TTN: variants seen among roughly 807,000 people sequenced by gnomAD.
TTN encodes titin, also known as connectin.
In TTN, 1,525 loss-of-function variants were observed where a neutral mutation model predicts 3,223.0. The observed-to-expected ratio is 0.47, with a 90% CI of 0.45 to 0.49. The LOEUF (loss-of-function observed/expected upper bound fraction) is 0.49, where lower values mean the gene tolerates loss of function less well. TTN is among the 20% of genes least tolerant of loss of function. TTN has a pLI of 0.00. For missense variants in TTN, 40,786 were observed against 43,424.0 expected (o/e 0.94, Z 5.40); for synonymous variants, 14,094 against 15,161.0 (o/e 0.93, Z 5.17).
chr2:178,723,504 A>G lies in TTN; in HGVS notation c.21596T>C (p.Ile7199Thr), dbSNP rs781566455. The stretch of plus-strand genomic sequence containing the variant: ...GTATTCCCCACTCTGAGATATGTCA[A>G]TATTAAATAATTCCAGTTCTGCCAC... ...DTVAELELFN[I>T]DISQSGEYTC... Residue 7199 changes from isoleucine (I) to threonine (T), a missense_variant, in exon 74 of 363, where the codon ATT (isoleucine) becomes ACT (threonine). Coordinates refer to ENST00000589042, the MANE Select transcript of TTN (RefSeq NM_001267550.2). The G allele has an allele frequency of 5.0e-6, 8 of 1,613,266 alleles. No individual in the cohort carries two copies. The highest frequency in any genetic ancestry group is 4.0e-5 in the African/African-American group (3 of 74,902).
intron 113 of TTN, 22 bp downstream of exon 113, chr2:178,697,099 A>C: frequency 6.5e-7 from 1 of 1,529,060 alleles, no homozygotes; most frequent in Non-Finnish European, 8.9e-7. Context: ...AAACAGAATA[A>C]AAATAATTTA....
intron 152 of TTN, 48 bp from the exon 153 acceptor site, chr2:178,672,751 C>T (rs2067241781): frequency 6.8e-7 from 1 of 1,469,822 alleles, no homozygotes; most frequent in Non-Finnish European, 9.2e-7. Flanking sequence ...TTCAATAACA[C>T]ACATGAAATA....
In TTN at chr2:178,715,142, C is replaced by G; in HGVS notation, c.26044G>C (p.Glu8682Gln). The G allele has an allele frequency of 6.2e-7, 1 of 1,613,720 alleles. No homozygotes were observed. Among genetic ancestry groups the G allele is most frequent in the South Asian group, 1.1e-5 (1 of 91,070 alleles). Residue 8682 changes from glutamate to glutamine, a missense_variant, in exon 90 of 363, where the codon GAA becomes CAA. Transcript: ENST00000589042. ...FHVSWYKDKR[E>Q]LRSGKKYKIM... ...TTGTACTTCTTGCCGCTCCTAAGTT[C>G]TCTCTTGTCTTTATACCAAGAAACG...
chr2:178,696,341 CTAGT>C lies in TTN; in HGVS notation c.30803-76_30803-73del, dbSNP rs1369677895. The C allele has an allele frequency of 1.7e-5, 21 of 1,254,962 alleles. No individual in the cohort carries two copies. In the East Asian group the frequency reaches 2.9e-4, roughly 17 times the overall value. The allele number at this position is 1,254,962 out of a possible 1,614,324, so 77.7% of individuals were successfully genotyped here. A position where few individuals can be genotyped will look rare whatever the true frequency, so the allele number is the denominator to read the frequency against. ...ACTGCTTCACTAAACAAAAATCTAC[CTAGT>C]TAAACAACATCAGTATTTCAGATCT... On this transcript the variant is annotated intron_variant, in intron 113 of 362. Transcript: ENST00000589042.
chr2:178,580,439 C>A lies in TTN; in HGVS notation c.66940G>T (p.Asp22314Tyr), dbSNP rs768380109. 26 of 1,613,226 alleles carry A rather than the reference C, an allele frequency of 1.6e-5. No individual in the cohort carries two copies. Among genetic ancestry groups the A allele is most frequent in the East Asian group, 1.3e-4 (6 of 44,724 alleles). The change falls in exon 317 of 363, where the codon GAC becomes TAC. Residue 22314 changes from aspartate to tyrosine, a missense_variant. Asp to Tyr is a radical substitution (Grantham distance 160). Transcript: ENST00000589042. ...DRIGLDIKST[D>Y]FDTFLRCENV... ...TCACAGCGCAAGAAAGTGTCAAAGT[C>A]AGTTGACTTTATGTCCAGTCCAATC...
Position 178,740,623 on chromosome 2 carries a change from T to G in TTN, c.12610A>C (p.Thr4204Pro). ...INSLTVEPLK[T>P]LLAEPEGNYP... ...TTCCCTTCAGGTTCAGCTAATAAAG[T>G]TTTCAGAGGCTCAACTGTTAATGAA... Residue 4204 changes from threonine to proline, a missense_variant, in exon 48 of 363, where the codon ACT (threonine) becomes CCT (proline). Thr to Pro is a conservative substitution (Grantham distance 38, BLOSUM62 -1). Coordinates refer to ENST00000589042, the MANE Select transcript of TTN (RefSeq NM_001267550.2). 1.9e-6 allele frequency: 3 copies of G among 1,613,828 alleles called. No individual in the cohort carries two copies.
chr2:178,706,669 C>A lies in TTN; in HGVS notation c.29205G>T (p.Lys9735Asn), dbSNP rs760884958. The A allele has an allele frequency of 6.2e-7, 1 of 1,613,908 alleles. No individual in the cohort carries two copies. Among genetic ancestry groups the A allele is most frequent in the Admixed American group, 1.7e-5 (1 of 60,020 alleles). ...PIPNVKWTKG[K>N]WRQLNQGGRV... ...GACCTCCTTGGTTCAGCTGTCTCCA[C>A]TTCCCTTTTGTCCATTTAACATTTG... The change falls in exon 102 of 363, where the codon AAG becomes AAT. Residue 9735 changes from lysine to asparagine, a missense_variant. Transcript: ENST00000589042.
At chr2:178,781,925 TGTGTGG>T (rs2092802870) in intron 20 of TTN, among the ~76,000 whole-genome samples, 1 of 151,854 alleles carries the variant, frequency 6.6e-6, no homozygotes, top group Non-Finnish European at 1.5e-5. Context: ...TGTGTGTGTG[TGTGTGG>T]GTGTGTTTGT....
chr2:178,652,183 T>C lies in TTN; in HGVS notation c.39212-4A>G. 1 of 1,612,100 alleles carries C rather than the reference T, an allele frequency of 6.2e-7. No individual in the cohort carries two copies. The highest frequency in any genetic ancestry group is 8.5e-7 in the Non-Finnish European group (1 of 1,179,604). ...GCTACCTTTGGCACCTCTGGGACTTTAAAAGATATTATTATTTTCATTGTT... is the reference window on the plus strand; with the variant it reads ...GCTACCTTTGGCACCTCTGGGACTTCAAAAGATATTATTATTTTCATTGTT... On this transcript the variant is annotated splice_polypyrimidine_tract_variant and splice_region_variant and intron_variant, in intron 203 of 362. Coordinates refer to ENST00000589042, the MANE Select transcript of TTN (RefSeq NM_001267550.2).
rs529134826 is a variant in TTN, at chr2:178,601,035, A to G, written c.55869T>C (p.Pro18623=). The G allele has an allele frequency of 6.2e-7, 1 of 1,612,966 alleles. No homozygotes were observed. Among genetic ancestry groups the G allele is most frequent in the East Asian group, 2.2e-5 (1 of 44,740 alleles). ...TCCAGGCTTCTTTCTTTGTCCCAGT[A>G]GGGTCCCATGCAAGGCACTCAACAA... The part of the protein sequence containing the change: ...HYIVECLAWD[P]TGTKKEAWRQ... The change falls in exon 288 of 363, where the codon CCT becomes CCC. Residue 18623 remains proline (P), a synonymous_variant. Transcript: ENST00000589042.
chr2:178,669,672 G>C lies in TTN; in HGVS notation c.35390C>G (p.Pro11797Arg). Reference sequence around the variant, plus strand: ...TGGGACAATTTTCTTGGGTACTTCGGGTGCTTTAAAGATATTTATTTATCT... The same window carrying C: ...TGGGACAATTTTCTTGGGTACTTCGCGTGCTTTAAAGATATTTATTTATCT... ...EEPRVPPTKA[P>R]EVPKKIVPEE... The change falls in exon 158 of 363, where the codon CCC becomes CGC. Residue 11797 changes from proline (P) to arginine (R), a missense_variant. Pro to Arg is a moderately radical substitution (Grantham distance 103, BLOSUM62 -2). Transcript: ENST00000589042. 5.6e-6 allele frequency: 9 copies of C among 1,611,830 alleles called. No individual in the cohort carries two copies. The highest frequency in any genetic ancestry group is 7.6e-6 in the Non-Finnish European group (9 of 1,179,352).
intron 360 of TTN, 46 bp from the exon 361 acceptor site, chr2:178,528,473 T>C: frequency 6.2e-7 from 1 of 1,602,234 alleles, no homozygotes; most frequent in Non-Finnish European, 8.5e-7. Flanking sequence ...TCTTCAGATG[T>C]GGAAGACATG....
intron 213 of TTN, among the ~76,000 whole-genome samples, chr2:178,647,944 G>C: frequency 6.6e-6 from 1 of 151,994 alleles, no homozygotes; most frequent in East Asian, 1.9e-4. Context: ...ATGATCTTGG[G>C]CTCCTCAATT....
In TTN at chr2:178,617,108, A is replaced by C. The variant is rs758849410; in HGVS notation, c.47875+12T>G. ...TGCTATTCCCCGATCTAAAAATAAA[A>C]TATCTATTTACCAAATGCATCGTCA... On this transcript the variant is annotated intron_variant, in intron 255 of 362. Transcript: ENST00000589042. 5.6e-6 allele frequency: 9 copies of C among 1,610,414 alleles called. No individual in the cohort carries two copies. The South Asian group carries it at 8.8e-5, about 16-fold the overall frequency.
intron 278 of TTN, 33 bp from the exon 279 acceptor site, chr2:178,605,746 T>C: frequency 7.0e-7 from 1 of 1,433,080 alleles, no homozygotes; most frequent in Non-Finnish European, 9.2e-7. Context: ...ATGATTAGCA[T>C]GAGATAAATA....
rs1384791308 is a variant in TTN at position 178,713,359 on chromosome 2, A to G, written c.26775T>C (p.Pro8925=). ...CTTTCAATTTTCTTGTGAATGAAGG[A>G]GGAACGGTTCGGTCTGAATGATACA... The part of the protein sequence containing the change: ...ASLQVSDRTV[P]PSFTRKLKET... The change falls in exon 93 of 363, where the codon CCT becomes CCC. Residue 8925 remains proline, a synonymous_variant. Transcript: ENST00000589042. 1 of 1,545,160 alleles carries G rather than the reference A, an allele frequency of 6.5e-7. No homozygotes were observed. Among genetic ancestry groups the G allele is most frequent in the Admixed American group, 2.0e-5 (1 of 50,474 alleles).
At chr2:178,786,267 T>A in intron 13 of TTN, 126 bp from the exon 14 acceptor site, 1 of 976,490 alleles carries the variant, frequency 1.0e-6, no homozygotes, top group Non-Finnish European at 1.5e-6. Flanking sequence ...TAGAAATGTA[T>A]CTCAGAAACA....
chr2:178,632,475 T>C, intron 235 of TTN, 51 bp downstream of exon 235: 7 of 1,589,358 alleles, frequency 4.4e-6, no homozygotes, highest in Non-Finnish European at 6.0e-6. Flanking sequence ...AATATAAAAC[T>C]AAAGGCAAAA....
chr2:178,644,737 C>T (rs1222831764), intron 217 of TTN, 121 bp from the exon 218 acceptor site: 1 of 679,632 alleles, frequency 1.5e-6, no homozygotes, highest in Non-Finnish European at 2.3e-6. Context: ...TAATAACAGC[C>T]AAGAACAGCC....
Sources: allele counts gnomAD v4.1 joint callset (sites outside exome capture counted in the v4.1 genomes callset), GRCh38; gene constraint gnomAD v4.1.1; transcripts MANE v1.5; gene names NCBI Gene and HGNC (gene_info 2026-07-23, HGNC 2026-07-21).